ARID4B: variants seen among roughly 807,000 people sequenced by gnomAD.
ARID4B encodes AT-rich interaction domain 4B.
ARID4B carries 26 observed loss-of-function variants against 147.5 expected under a neutral mutation model. The observed-to-expected ratio is 0.18, with a 90% confidence interval of 0.13 to 0.24. ARID4B has a LOEUF of 0.24. Among genes scored for constraint, ARID4B ranks in the 10% least tolerant of loss-of-function variants. The pLI is 1.00. For synonymous variants in ARID4B, 512 were observed against 507.9 expected, an observed-to-expected ratio of 1.01 and a Z score of -0.11; for missense variants, 1,179 against 1,511.5, an observed-to-expected ratio of 0.78 and a Z score of 3.65.
At chr1:235,171,267 C>A (rs1223471318) in intron 23 of ARID4B, among the ~76,000 whole-genome samples, 1 of 151,870 alleles carries the variant, frequency 6.6e-6, no homozygotes, top group Non-Finnish European at 1.5e-5. Context: ...GAAACCCCAT[C>A]TCTACTAAAA....
At position 235,182,436 on chromosome 1, in the gene ARID4B, C is replaced by G. The variant is rs146494421; in HGVS notation, c.2483G>C (p.Cys828Ser). ...AGTTTTTAGACACTCTTCTGTATTG[C>G]AATACCTTCTTTTACCACGTTTTAT... ...PQIKRGKRRYCNTEECLKTGS... is the reference protein window; with the variant it reads ...PQIKRGKRRYSNTEECLKTGS... Residue 828 changes from cysteine to serine, a missense_variant, in exon 20 of 24, where the codon TGC becomes TCC. Physicochemically the swap from Cys to Ser is moderately radical, Grantham distance 112 (BLOSUM62 -1). Transcript: ENST00000264183. 13 of 1,611,636 alleles carry G rather than the reference C, an allele frequency of 8.1e-6. No individual in the cohort carries two copies. The African/African-American group carries it at 1.7e-4, about 22-fold the overall frequency.
intron 16 of ARID4B, among the ~76,000 whole-genome samples, chr1:235,217,530 GAT>G (rs1572002400): frequency 6.6e-6 from 1 of 152,190 alleles, no homozygotes; most frequent in East Asian, 1.9e-4. Context: ...TATCAGCAAG[GAT>G]TTTCATCTGA....
intron 2 of ARID4B, among the ~76,000 whole-genome samples, chr1:235,283,935 A>G (rs930353795): frequency 6.6e-6 from 1 of 151,798 alleles, no homozygotes; most frequent in African/African-American, 2.4e-5. Flanking sequence ...CGGGGTTTCG[A>G]TATGTTGGCC....
At chr1:235,290,602 G>A (rs1672273414) in intron 2 of ARID4B, among the ~76,000 whole-genome samples, 1 of 152,172 alleles carries the variant, frequency 6.6e-6, no homozygotes, top group African/African-American at 2.4e-5. Context: ...AAAAATAGGG[G>A]TGTGGCTAAA....
intron 17 of ARID4B, among the ~76,000 whole-genome samples, chr1:235,197,937 A>T (rs1233528391): frequency 6.6e-6 from 1 of 152,194 alleles, no homozygotes; most frequent in Non-Finnish European, 1.5e-5. Flanking sequence ...TAGGAAAGCA[A>T]TTTACTTCCT....
intron 3 of ARID4B, among the ~76,000 whole-genome samples, chr1:235,259,756 A>G (rs1670187199): frequency 6.6e-6 from 1 of 152,200 alleles, no homozygotes; most frequent in South Asian, 2.1e-4. Flanking sequence ...TTTTCAACAC[A>G]TCCATGCATA....
intron 14 of ARID4B, 120 bp downstream of exon 14, chr1:235,221,445 T>C: frequency 1.7e-6 from 1 of 579,264 alleles, no homozygotes; most frequent in Non-Finnish European, 3.0e-6. Flanking sequence ...ATAGAATGAC[T>C]ACTCTAGTAA....
intron 19 of ARID4B, 81 bp from the exon 20 acceptor site, chr1:235,182,874 T>A: frequency 1.4e-6 from 2 of 1,401,212 alleles, no homozygotes; most frequent in Non-Finnish European, 1.9e-6. Context: ...CTGTATATAT[T>A]AGGTCCTGTG....
intron 2 of ARID4B, among the ~76,000 whole-genome samples, chr1:235,315,582 A>T (rs918615868): frequency 6.6e-6 from 1 of 152,212 alleles, no homozygotes; most frequent in African/African-American, 2.4e-5. Flanking sequence ...TTTCTTCCTT[A>T]TAAATGTAAA....
intron 17 of ARID4B, among the ~76,000 whole-genome samples, chr1:235,205,999 A>T (rs1045036779): frequency 1.1e-4 from 17 of 152,182 alleles, no homozygotes; most frequent in Admixed American, 6.5e-4. Flanking sequence ...GGTGAGAAGC[A>T]GCTCCAGTGA....
chr1:235,173,732 C>T lies in ARID4B; in HGVS notation c.3665-968G>A, dbSNP rs1289334510. 5.6e-5 allele frequency among the ~76,000 whole-genome samples: 5 copies of T among 89,514 alleles called. No individual in the cohort carries two copies. In the East Asian group the frequency reaches 1.1e-3, roughly 20 times the overall value. 58.7% of individuals were successfully genotyped at this position (89,514 alleles called of 152,430 possible). On this transcript the variant is annotated intron_variant, in intron 22 of 23. Transcript: ENST00000264183. Reference sequence around the variant, plus strand: ...TAGCCTGGGCAACATAATGAGACCTCGTCTCTATTTAAAAAAAAAAAAAAA... The same window carrying T: ...TAGCCTGGGCAACATAATGAGACCTTGTCTCTATTTAAAAAAAAAAAAAAA...
chr1:235,311,787 AAAAC>A (rs906064915), intron 2 of ARID4B, among the ~76,000 whole-genome samples: 132 of 152,188 alleles, frequency 8.7e-4, no homozygotes, highest in Middle Eastern at 6.8e-3. Context: ...AACAAAAAAC[AAAAC>A]AAACAAACAA....
intron 2 of ARID4B, among the ~76,000 whole-genome samples, chr1:235,277,549 A>AAAAT (rs1553309720): frequency 0.019 from 2,782 of 144,092 alleles, 152 homozygotes; most frequent in African/African-American, 0.063. Context: ...AAAAAAAAAA[A>AAAAT]AATAATAATA....
chr1:235,206,040 T>C (rs1029841202), intron 17 of ARID4B, among the ~76,000 whole-genome samples: 1 of 152,156 alleles, frequency 6.6e-6, no homozygotes, highest in Non-Finnish European at 1.5e-5. Context: ...CCCAATCCCC[T>C]ATTATAGGTA....
Position 235,273,215 on chromosome 1 carries a change from G to A in ARID4B, c.7-12463C>T, listed in dbSNP as rs913106883. On this transcript the variant is annotated intron_variant, in intron 2 of 23. Transcript: ENST00000264183. ...ACCCCACCCAGCTAATTTCATGTGTGTGTATTTTTATAGAGACGAGTTTTC... is the reference window on the plus strand; with the variant it reads ...ACCCCACCCAGCTAATTTCATGTGTATGTATTTTTATAGAGACGAGTTTTC... Among the ~76,000 whole-genome samples the A allele has an allele frequency of 7.9e-5, 12 of 152,210 alleles. 1 individual carries two copies. In the South Asian group the frequency reaches 2.5e-3, roughly 32 times the overall value.
At chr1:235,292,020 CTTTTA>C (rs1672372176) in intron 2 of ARID4B, among the ~76,000 whole-genome samples, 1 of 152,074 alleles carries the variant, frequency 6.6e-6, no homozygotes, top group Non-Finnish European at 1.5e-5. Context: ...TTACTATATT[CTTTTA>C]TAAGTATTTT....
At chr1:235,172,558 C>A in intron 23 of ARID4B, 60 bp downstream of exon 23, 1 of 1,258,306 alleles carries the variant, frequency 7.9e-7, no homozygotes, top group Non-Finnish European at 1.1e-6. Flanking sequence ...AGCCTGGCGA[C>A]AAGAGTGAAA....
Position 235,168,411 on chromosome 1 carries a change from A to G in ARID4B, c.*114T>C. ...TGCCAAGTCAGCTTGTCAAGAAACA[A>G]TTTTTAAATATAAAATAGTGCTTGT... On this transcript the variant is annotated 3_prime_UTR_variant, in exon 24 of 24. Transcript: ENST00000264183. 1 of 1,258,052 alleles carries G rather than the reference A, an allele frequency of 7.9e-7. No individual in the cohort carries two copies. Among genetic ancestry groups the G allele is most frequent in the South Asian group, 2.2e-5 (1 of 46,302 alleles). The allele number at this position is 1,258,052 out of a possible 1,614,324, so 77.9% of individuals were successfully genotyped here.
chr1:235,209,697 C>T (rs1666583414), intron 17 of ARID4B, among the ~76,000 whole-genome samples: 1 of 150,824 alleles, frequency 6.6e-6, no homozygotes, highest in Non-Finnish European at 1.5e-5. Flanking sequence ...CCAAGTAGAT[C>T]GGATTACAGG....
Sources: gnomAD v4.1 joint callset for allele counts (sites outside exome capture counted in the v4.1 genomes callset) on GRCh38, gnomAD v4.1.1 for gene constraint, MANE v1.5 for transcripts, NCBI Gene and HGNC (gene_info 2026-07-23, HGNC 2026-07-21) for gene names.